Variants in CCDC178 observed in about 807,000 individuals in gnomAD.
CCDC178 encodes coiled-coil domain containing 178, also known as coiled-coil domain-containing protein 178.
CCDC178 carries 126 observed loss-of-function variants against 117.4 expected under a neutral mutation model. The observed-to-expected ratio is 1.07, with a 90% CI of 0.93 to 1.24. The LOEUF is 1.24. CCDC178 is among the 50% of genes most tolerant of loss of function. CCDC178 has a pLI of 0.00. For synonymous variants in CCDC178, 283 were observed against 313.4 expected, an observed-to-expected ratio of 0.90 and a Z score of 1.02; for missense variants, 1,030 against 986.9, an observed-to-expected ratio of 1.04 and a Z score of -0.59.
At chr18:33,346,967 G>T (rs1428502480) in intron 8 of CCDC178, among the ~76,000 whole-genome samples, 1 of 152,088 alleles carries the variant, frequency 6.6e-6, no homozygotes, top group Non-Finnish European at 1.5e-5. Flanking sequence ...AGAGATATTT[G>T]TGATTCCTGG....
At chr18:33,060,775 G>T (rs1337794971) in intron 21 of CCDC178, among the ~76,000 whole-genome samples, 1 of 151,964 alleles carries the variant, frequency 6.6e-6, no homozygotes, top group Admixed American at 6.6e-5. Context: ...TTAGAAAAAT[G>T]GAATATTTCT....
chr18:33,403,744 C>T (rs1226532807), intron 3 of CCDC178, among the ~76,000 whole-genome samples: 1 of 152,006 alleles, frequency 6.6e-6, no homozygotes, highest in Non-Finnish European at 1.5e-5. Flanking sequence ...GTTGCTGGAG[C>T]CAAAAATGGG....
intron 4 of CCDC178, among the ~76,000 whole-genome samples, chr18:33,396,058 T>C (rs1455207586): frequency 2.0e-5 from 3 of 152,070 alleles, no homozygotes; most frequent in African/African-American, 7.2e-5. Context: ...ATGTGACTGA[T>C]TTAGAACTAG....
chr18:32,982,840 AG>A (rs369387383), intron 21 of CCDC178, among the ~76,000 whole-genome samples: 69 of 152,272 alleles, frequency 4.5e-4, no homozygotes, highest in African/African-American at 1.6e-3. Flanking sequence ...CAGAGCACAC[AG>A]GGTTTTTAGG....
intron 20 of CCDC178, among the ~76,000 whole-genome samples, chr18:33,157,805 C>G (rs1457493920): frequency 1.3e-5 from 2 of 152,042 alleles, no homozygotes; most frequent in South Asian, 4.1e-4. Flanking sequence ...TTATCTGTCA[C>G]TTTTTTATTG....
intron 12 of CCDC178, among the ~76,000 whole-genome samples, chr18:33,269,797 A>T (rs2059864667): frequency 6.6e-6 from 1 of 151,866 alleles, no homozygotes; most frequent in Non-Finnish European, 1.5e-5. Context: ...TCCAGTATAA[A>T]TACATTGTAT....
chr18:33,039,663 C>A (rs949088314), intron 21 of CCDC178, among the ~76,000 whole-genome samples: 7 of 151,776 alleles, frequency 4.6e-5, no homozygotes, highest in African/African-American at 1.7e-4. Context: ...ACTTGAATAG[C>A]AATTATGAAA....
At chr18:33,429,675 C>T (rs2064179074) in intron 2 of CCDC178, among the ~76,000 whole-genome samples, 1 of 152,136 alleles carries the variant, frequency 6.6e-6, no homozygotes, top group Admixed American at 6.5e-5. Context: ...TTCAGGGAAA[C>T]TTTCCTAATG....
chr18:33,340,136 G>C (rs2062797117), intron 9 of CCDC178, among the ~76,000 whole-genome samples: 1 of 152,048 alleles, frequency 6.6e-6, no homozygotes, highest in African/African-American at 2.4e-5. Context: ...AGGATGAGGT[G>C]GTCTCAGACA....
intron 22 of CCDC178, among the ~76,000 whole-genome samples, chr18:32,959,407 A>G (rs773678379): frequency 6.6e-6 from 1 of 152,086 alleles, no homozygotes; most frequent in Non-Finnish European, 1.5e-5. Context: ...TTTCTATGAA[A>G]CAAAAATAAA....
intron 5 of CCDC178, among the ~76,000 whole-genome samples, chr18:33,387,465 A>C (rs1381923762): frequency 2.0e-5 from 3 of 152,222 alleles, no homozygotes; most frequent in African/African-American, 7.2e-5. Context: ...AAACTATACT[A>C]TAAGGCTACA....
At chr18:33,306,411 T>TG (rs1228160946) in intron 11 of CCDC178, among the ~76,000 whole-genome samples, 1 of 109,316 alleles carries the variant, frequency 9.1e-6, no homozygotes, top group Admixed American at 1.1e-4. Context: ...CTATTGGATC[T>TG]TTGTGTGTGT....
chr18:33,120,867 C>T (rs542786021), intron 20 of CCDC178, among the ~76,000 whole-genome samples: 12 of 152,150 alleles, frequency 7.9e-5, no homozygotes, highest in African/African-American at 2.9e-4. Flanking sequence ...AGAATGAATA[C>T]TATTCAAGGA....
Position 33,083,269 on chromosome 18 carries a change from T to C in CCDC178, c.2388+9492A>G, listed in dbSNP as rs73417451. Among the ~76,000 whole-genome samples, 1,253 of 152,284 alleles carry C rather than the reference T, an allele frequency of 8.2e-3. 15 individuals carry two copies. The highest frequency in any genetic ancestry group is 0.028 in the African/African-American group (1,172 of 41,558). ...TTCAAACCCAGGCAGTCTGGCCCCA[T>C]GCTACACTGTTCTGCCCATTTTATA... On this transcript the variant is annotated intron_variant, in intron 21 of 22. Coordinates refer to ENST00000383096, the MANE Select transcript of CCDC178 (RefSeq NM_001105528.4).
chr18:33,394,975 A>G (rs1356096498), intron 4 of CCDC178, among the ~76,000 whole-genome samples: 2 of 136,354 alleles, frequency 1.5e-5, no homozygotes, highest in Non-Finnish European at 3.2e-5. Flanking sequence ...ATATATATAT[A>G]TATATATATA....
At chr18:32,999,336 T>C (rs1009568864) in intron 21 of CCDC178, among the ~76,000 whole-genome samples, 4 of 152,150 alleles carry the variant, frequency 2.6e-5, no homozygotes, top group Non-Finnish European at 4.4e-5. Context: ...GAGCACCAGA[T>C]AGATTCCTAA....
intron 21 of CCDC178, among the ~76,000 whole-genome samples, chr18:33,011,657 C>T (rs1731756171): frequency 6.6e-6 from 1 of 151,636 alleles, no homozygotes; most frequent in East Asian, 1.9e-4. Flanking sequence ...TAGTCTGTTA[C>T]TGCACGTAAA....
chr18:33,009,728 T>C (rs557756920), intron 21 of CCDC178, among the ~76,000 whole-genome samples: 2 of 152,272 alleles, frequency 1.3e-5, no homozygotes, highest in Admixed American at 6.5e-5. Context: ...GTCTGTTTTA[T>C]TTACTATCGT....
rs150454132 is a variant in CCDC178 at position 33,178,064 on chromosome 18, T to G, written c.2238+33832A>C. Among the ~76,000 whole-genome samples, 456 of 152,220 alleles carry G rather than the reference T, an allele frequency of 3.0e-3. 4 individuals are homozygous for G. The highest frequency in any genetic ancestry group is 0.011 in the African/African-American group (445 of 41,556). On this transcript the variant is annotated intron_variant, in intron 20 of 22. Coordinates refer to ENST00000383096, the MANE Select transcript of CCDC178 (RefSeq NM_001105528.4). ...ACCATATGCAAATGCTTCCCAAAACTTCAATGCAATATTTGTCCCTAGGAT... is the reference window on the plus strand; with the variant it reads ...ACCATATGCAAATGCTTCCCAAAACGTCAATGCAATATTTGTCCCTAGGAT...
Sources: allele counts gnomAD v4.1 joint callset (sites outside exome capture counted in the v4.1 genomes callset), GRCh38; gene constraint gnomAD v4.1.1; transcripts MANE v1.5; gene names NCBI Gene and HGNC (gene_info 2026-07-23, HGNC 2026-07-21).